The following DYM variants were observed in gnomAD, a reference collection of about 807,000 sequenced individuals.
DYM encodes the protein dyggve-Melchior-Clausen syndrome protein.
DYM carries 78 observed loss-of-function variants against 93.1 expected under a neutral mutation model. The observed-to-expected ratio is 0.84, with a 90% CI of 0.70 to 1.01. DYM has a LOEUF of 1.01. Among genes scored for constraint, DYM ranks in the 50% least tolerant of loss-of-function variants. DYM has a pLI of 0.00. For synonymous variants in DYM, 321 were observed against 319.7 expected, an observed-to-expected ratio of 1.00 and a Z score of -0.04; for missense variants, 789 against 845.0, an observed-to-expected ratio of 0.93 and a Z score of 0.82.
intron 15 of DYM, among the ~76,000 whole-genome samples, chr18:49,150,974 G>T (rs534311777): frequency 2.0e-5 from 3 of 152,238 alleles, no homozygotes; most frequent in South Asian, 4.1e-4. Flanking sequence ...CTGCTTTGTT[G>T]TAATAACAAA....
At chr18:49,329,946 G>A (rs2063192335) in intron 8 of DYM, among the ~76,000 whole-genome samples, 1 of 152,192 alleles carries the variant, frequency 6.6e-6, no homozygotes, top group African/African-American at 2.4e-5. Context: ...AAGATCATCA[G>A]AAGTGATCAC....
chr18:49,292,591 GGAAAAAAAAAAAA>G (rs2060215184), intron 8 of DYM, among the ~76,000 whole-genome samples: 1 of 40,852 alleles, frequency 2.4e-5, no homozygotes, highest in Admixed American at 4.4e-4. Flanking sequence ...TTTTCCTGTT[GGAAAAAAAAAAAA>G]AAAAAAAAAA....
At chr18:49,365,106 C>G (rs1173168592) in intron 5 of DYM, among the ~76,000 whole-genome samples, 3 of 151,998 alleles carry the variant, frequency 2.0e-5, no homozygotes, top group Admixed American at 6.6e-5. Flanking sequence ...GCCCAAGCAT[C>G]TCAGAAAAAA....
At chr18:49,232,758 G>A (rs953970590) in intron 13 of DYM, among the ~76,000 whole-genome samples, 3 of 151,488 alleles carry the variant, frequency 2.0e-5, no homozygotes, top group Admixed American at 6.6e-5. Flanking sequence ...ACAGATGCGC[G>A]CCACCACGCC....
intron 14 of DYM, among the ~76,000 whole-genome samples, chr18:49,174,410 C>CTAT (rs2089145912): frequency 1.3e-5 from 2 of 152,256 alleles, no homozygotes; most frequent in South Asian, 4.1e-4. Context: ...AAGGACTATA[C>CTAT]TATTCATAAA....
intron 14 of DYM, among the ~76,000 whole-genome samples, chr18:49,190,499 T>C (rs2090862446): frequency 6.6e-6 from 1 of 152,202 alleles, no homozygotes; most frequent in Non-Finnish European, 1.5e-5. Flanking sequence ...AGACAATACA[T>C]TGAATTCTTA....
intron 15 of DYM, chr18:49,126,160 A>G (rs1286257995): frequency 6.6e-6 from 1 of 152,188 alleles, no homozygotes; most frequent in East Asian, 1.9e-4. Flanking sequence ...ATTATCCTTT[A>G]GGGAACAGCC....
intron 17 of DYM, among the ~76,000 whole-genome samples, chr18:49,059,734 C>G (rs2075797862): frequency 6.6e-6 from 1 of 152,148 alleles, no homozygotes; most frequent in African/African-American, 2.4e-5. Context: ...GACCCAACAT[C>G]TTATTATGGA....
At chr18:49,124,681 G>A (rs1279504486) in intron 15 of DYM, among the ~76,000 whole-genome samples, 2 of 151,994 alleles carry the variant, frequency 1.3e-5, no homozygotes. Flanking sequence ...ATTCTAATGT[G>A]ATCTTTTATA....
At chr18:49,248,111 G>T (rs2094208757) in intron 13 of DYM, among the ~76,000 whole-genome samples, 1 of 152,202 alleles carries the variant, frequency 6.6e-6, no homozygotes, top group South Asian at 2.1e-4. Context: ...TTTAAAAAAT[G>T]AAATCATATA....
At chr18:49,195,156 T>C (rs1242939910) in intron 14 of DYM, among the ~76,000 whole-genome samples, 2 of 152,224 alleles carry the variant, frequency 1.3e-5, no homozygotes, top group African/African-American at 2.4e-5. Context: ...TGGTCATATA[T>C]GTATATATTT....
At chr18:49,147,528 C>T (rs1231576934) in intron 15 of DYM, among the ~76,000 whole-genome samples, 22 of 151,966 alleles carry the variant, frequency 1.4e-4, no homozygotes, top group African/African-American at 4.8e-4. Flanking sequence ...AAAAAGTGGG[C>T]GAAGGATATG....
intron 16 of DYM, among the ~76,000 whole-genome samples, chr18:49,113,280 C>T (rs2081595718): frequency 6.6e-6 from 1 of 152,116 alleles, no homozygotes; most frequent in Non-Finnish European, 1.5e-5. Flanking sequence ...TTGCATCTGT[C>T]CTCTACTCAT....
intron 17 of DYM, among the ~76,000 whole-genome samples, chr18:49,068,256 C>A (rs1050470380): frequency 2.0e-5 from 3 of 152,204 alleles, no homozygotes; most frequent in Non-Finnish European, 4.4e-5. Context: ...CTGCCCCCAC[C>A]AGCCTGGTGA....
chr18:49,209,822 G>A, intron 13 of DYM, 107 bp from the exon 14 acceptor site: 3 of 641,348 alleles, frequency 4.7e-6, no homozygotes, highest in Non-Finnish European at 4.0e-6. Flanking sequence ...TTCACTAGAT[G>A]GTGCCCAAGA....
chr18:49,299,071 A>G (rs529453646), intron 8 of DYM, among the ~76,000 whole-genome samples: 11 of 152,314 alleles, frequency 7.2e-5, no homozygotes, highest in Admixed American at 2.0e-4. Context: ...CGGTTCCCAG[A>G]AACTTCATTC....
intron 8 of DYM, among the ~76,000 whole-genome samples, chr18:49,291,453 T>G (rs1484219164): frequency 1.3e-5 from 2 of 152,196 alleles, no homozygotes; most frequent in African/African-American, 4.8e-5. Context: ...TGAAATGGTT[T>G]TACTACTAAC....
chr18:49,202,910 G>C (rs1017366349), intron 14 of DYM, among the ~76,000 whole-genome samples: 1 of 137,734 alleles, frequency 7.3e-6, no homozygotes, highest in Non-Finnish European at 1.6e-5. Flanking sequence ...GTTGGGGGGG[G>C]TCAGCCCCCC....
intron 15 of DYM, among the ~76,000 whole-genome samples, chr18:49,137,541 G>C (rs187288046): frequency 5.9e-5 from 9 of 152,192 alleles, no homozygotes; most frequent in African/African-American, 1.7e-4. Context: ...CTGAATTTTT[G>C]CCTTTGACTC....
Sources: allele counts gnomAD v4.1 joint callset (sites outside exome capture counted in the v4.1 genomes callset), GRCh38; gene constraint gnomAD v4.1.1; transcripts MANE v1.5; gene names NCBI Gene and HGNC (gene_info 2026-07-23, HGNC 2026-07-21).